OTULINL: variants seen among roughly 807,000 people sequenced by gnomAD.
OTULINL encodes the protein OTU deubiquitinase with linear linkage specificity like, also known as inactive ubiquitin thioesterase OTULINL.
In OTULINL, 42 loss-of-function variants were observed where a neutral mutation model predicts 43.9. The ratio of observed to expected loss-of-function variants is 0.96; its 90% CI spans 0.75 to 1.24. The LOEUF is 1.24. Ranked by LOEUF, OTULINL falls within the 50% of genes most tolerant of loss-of-function variation. The pLI, the probability that OTULINL is intolerant of heterozygous loss-of-function variation, is 0.00. For missense variants in OTULINL, 411 were observed against 426.4 expected (o/e 0.96, Z 0.32); for synonymous variants, 172 against 153.6 (o/e 1.12, Z -0.88).
In OTULINL at chr5:14,608,946, A is replaced by T. The variant is rs1396470329; in HGVS notation, c.826A>T (p.Thr276Ser). 1.2e-6 allele frequency: 2 copies of T among 1,614,130 alleles called. No individual in the cohort carries two copies. Among genetic ancestry groups the T allele is most frequent in the Non-Finnish European group, 8.5e-7 (1 of 1,180,022 alleles). Residue 276 changes from threonine to serine, a missense_variant, in exon 7 of 8, where the codon ACA (threonine) becomes TCA (serine). By Grantham distance (58) the Thr-to-Ser change is moderately conservative. Coordinates refer to ENST00000274217, the MANE Select transcript of OTULINL (RefSeq NM_019018.3). The stretch of plus-strand genomic sequence containing the variant: ...TTTTAGACTCCTGTTTTCCAGGGAG[A>T]CATCCTCTGATCCTTTGAGCTTCAT... ...SLFRLLFSRETSSDPLSFMMN... is the reference protein window; with the variant it reads ...SLFRLLFSRESSSDPLSFMMN...
intron 1 of OTULINL, among the ~76,000 whole-genome samples, chr5:14,583,557 T>C (rs1759053767): frequency 6.6e-6 from 1 of 152,210 alleles, no homozygotes; most frequent in South Asian, 2.1e-4. Context: ...GAATTTTTCC[T>C]TTCTTTGCAC....
intron 7 of OTULINL, among the ~76,000 whole-genome samples, chr5:14,609,747 C>G (rs1759545648): frequency 6.6e-6 from 1 of 151,914 alleles, no homozygotes; most frequent in Admixed American, 6.6e-5. Flanking sequence ...TCTCCTGCCT[C>G]AGCCTCCCGA....
rs752004777 is a variant in OTULINL at position 14,601,260 on chromosome 5, CATTT to C, written c.256+21_256+24del. On this transcript the variant is annotated intron_variant, in intron 3 of 7. Transcript: ENST00000274217. The stretch of plus-strand genomic sequence containing the variant: ...AAATTCAAAAGTAAATATTTTCATT[CATTT>C]ATTTCTTTATTTTTAAGGTGCAGAG... 44 of 1,609,428 alleles carry C rather than the reference CATTT, an allele frequency of 2.7e-5. No individual in the cohort carries two copies. Among genetic ancestry groups the C allele is most frequent in the African/African-American group, 6.7e-5 (5 of 74,614 alleles).
At chr5:14,582,053 G>T in intron 1 of OTULINL, 95 bp downstream of exon 1, 1 of 927,998 alleles carries the variant, frequency 1.1e-6, no homozygotes, top group Non-Finnish European at 1.4e-6. Context: ...GCCCTCCTCG[G>T]CGGCCACCTT....
At chr5:14,582,492 G>GA (rs1331347003) in intron 1 of OTULINL, among the ~76,000 whole-genome samples, 5 of 151,712 alleles carry the variant, frequency 3.3e-5, no homozygotes, top group African/African-American at 9.7e-5. Context: ...TACTCTGGCT[G>GA]AAAAAAAATT....
Position 14,611,342 on chromosome 5 carries a change from TGTCAGA to T in OTULINL, c.*1036_*1041del, listed in dbSNP as rs1759578110. On this transcript the variant is annotated 3_prime_UTR_variant, in exon 8 of 8. Transcript: ENST00000274217. ...AAAGTGGAAGAGGGAATTGGAAGAG[TGTCAGA>T]GTCAGAGGGGAATGTGAAATATGGA... The T allele has an allele frequency of 6.6e-6, 1 of 151,896 alleles. No homozygotes were observed. The highest frequency in any genetic ancestry group is 2.4e-5 in the African/African-American group (1 of 41,314). The allele number at this position is 151,896 out of a possible 1,614,324, so 9.4% of individuals were successfully genotyped here.
intron 1 of OTULINL, 73 bp downstream of exon 1, chr5:14,582,031 A>C: frequency 9.2e-7 from 1 of 1,081,256 alleles, no homozygotes; most frequent in South Asian, 4.0e-5. Flanking sequence ...GGTCGCAGGC[A>C]GCCAGGGACG....
At position 14,612,061 on chromosome 5, in the gene OTULINL, C is replaced by G. The variant is rs1227059236; in HGVS notation, c.*1747C>G. 6.6e-6 allele frequency: 1 copy of G among 152,220 alleles called. No individual in the cohort carries two copies. Among genetic ancestry groups the G allele is most frequent in the Non-Finnish European group, 1.5e-5 (1 of 68,044 alleles). 9.4% of individuals were successfully genotyped at this position (152,220 alleles called of 1,614,324 possible). A position where few individuals can be genotyped will look rare whatever the true frequency, so the allele number is the denominator to read the frequency against. ...CTCAGCCACAGAAACAAGAGTTCTT[C>G]ATTGACCTCTACAGTCCCTGCCTGT... On this transcript the variant is annotated 3_prime_UTR_variant, in exon 8 of 8. Coordinates refer to ENST00000274217, the MANE Select transcript of OTULINL (RefSeq NM_019018.3).
intron 1 of OTULINL, among the ~76,000 whole-genome samples, chr5:14,593,884 G>A (rs557028294): frequency 3.3e-5 from 5 of 152,334 alleles, no homozygotes; most frequent in Admixed American, 6.5e-5. Context: ...GATAGCATAA[G>A]TGGGTTGCAT....
At chr5:14,597,021 A>G (rs1759299030) in intron 1 of OTULINL, among the ~76,000 whole-genome samples, 1 of 152,234 alleles carries the variant, frequency 6.6e-6, no homozygotes, top group South Asian at 2.1e-4. Context: ...ACACATTCAT[A>G]CCATAGTATA....
Position 14,581,972 on chromosome 5 carries a change from C to CGGGAG in OTULINL, c.64+17_64+18insAGGGG. On this transcript the variant is annotated intron_variant, in intron 1 of 7. Coordinates refer to ENST00000274217, the MANE Select transcript of OTULINL (RefSeq NM_019018.3). The stretch of plus-strand genomic sequence containing the variant: ...CTCCCGCCGCAGGTGAGCCTGGGGC[C>CGGGAG]GGGCGGGGCGGGGCGGGGGGCGCGA... 4.6e-6 allele frequency: 3 copies of CGGGAG among 656,404 alleles called. No individual in the cohort carries two copies. Among genetic ancestry groups the CGGGAG allele is most frequent in the Non-Finnish European group, 6.7e-6 (3 of 448,512 alleles). The allele number at this position is 656,404 out of a possible 1,614,324, so 40.7% of individuals were successfully genotyped here. A position where few individuals can be genotyped will look rare whatever the true frequency, so the allele number is the denominator to read the frequency against.
In OTULINL at chr5:14,610,298, A is replaced by G; in HGVS notation, c.1055A>G (p.His352Arg). ...CTGACCGAGAACGACCGCCACTACC[A>G]CATTCCAGTCTTTTAAGTCCGCTGG... ...SLLTENDRHYHIPVF is the reference protein window; with the variant it reads ...SLLTENDRHYRIPVF The change falls in exon 8 of 8, where the codon CAC becomes CGC. Residue 352 changes from histidine (H) to arginine (R), a missense_variant. Coordinates refer to ENST00000274217, the MANE Select transcript of OTULINL (RefSeq NM_019018.3). The G allele has an allele frequency of 3.7e-6, 6 of 1,613,012 alleles. No individual in the cohort carries two copies. Among genetic ancestry groups the G allele is most frequent in the Middle Eastern group, 2.0e-4 (1 of 5,122 alleles).
intron 7 of OTULINL, 35 bp from the exon 8 acceptor site, chr5:14,610,106 G>C (rs765004856): frequency 1.3e-6 from 2 of 1,588,086 alleles, no homozygotes; most frequent in Admixed American, 3.4e-5. Context: ...ATTTGCAAGT[G>C]TGTATCTGTG....
chr5:14,603,893 T>C (rs1458852336), intron 5 of OTULINL, among the ~76,000 whole-genome samples: 6 of 152,218 alleles, frequency 3.9e-5, no homozygotes, highest in African/African-American at 1.4e-4. Context: ...AATATGTGTG[T>C]GTGTGCGCAC....
chr5:14,586,656 A>C (rs1353201085), intron 1 of OTULINL, among the ~76,000 whole-genome samples: 1 of 152,202 alleles, frequency 6.6e-6, no homozygotes, highest in Admixed American at 6.5e-5. Flanking sequence ...TCCTCTTGCC[A>C]TATTATTGGT....
chr5:14,598,154 TTGGGTGGAGCCTGCGACAGACGAGAGCA>T lies in OTULINL; in HGVS notation c.65-2808_65-2781del, dbSNP rs1406545214. Among the ~76,000 whole-genome samples the T allele has an allele frequency of 2.6e-5, 4 of 152,114 alleles. 1 individual carries two copies. The highest frequency in any genetic ancestry group is 7.2e-5 in the African/African-American group (3 of 41,412). ...GTTCCTGGGTTGTAACTGCAGCAGG[TTGGGTGGAGCCTGCGACAGACGAGAGCA>T]TGTGTCCGTGGAGGGGGCAGCAGCC... is the stretch of plus-strand genomic sequence containing the variant. On this transcript the variant is annotated intron_variant, in intron 1 of 7. Coordinates refer to ENST00000274217, the MANE Select transcript of OTULINL (RefSeq NM_019018.3).
At position 14,588,810 on chromosome 5, in the gene OTULINL, G is replaced by GA. The variant is rs148628073; in HGVS notation, c.64+6854dup. On this transcript the variant is annotated intron_variant, in intron 1 of 7. Transcript: ENST00000274217. ...GCTAATAGGGAGGAAAAAGGGCAAG[G>GA]AACACACCCCTCTTAACAAGCCCTT... 3.4e-3 allele frequency among the ~76,000 whole-genome samples: 525 copies of GA among 152,266 alleles called. 3 individuals are homozygous for GA. The highest frequency in any genetic ancestry group is 0.012 in the African/African-American group (501 of 41,538).
At chr5:14,582,201 G>A (rs1449363915) in intron 1 of OTULINL, among the ~76,000 whole-genome samples, 2 of 152,024 alleles carry the variant, frequency 1.3e-5, no homozygotes, top group Non-Finnish European at 2.9e-5. Flanking sequence ...GAATAAGGGA[G>A]GCCAAGCTGC....
At chr5:14,609,352 G>A (rs16903573) in intron 7 of OTULINL, among the ~76,000 whole-genome samples, 1,770 of 152,258 alleles carry the variant, frequency 0.012, 30 homozygotes, top group African/African-American at 0.041. Context: ...TTGGGAAAGC[G>A]TTTGGTTACC....
Sources: gnomAD v4.1 joint callset for allele counts (sites outside exome capture counted in the v4.1 genomes callset) on GRCh38, gnomAD v4.1.1 for gene constraint, MANE v1.5 for transcripts, NCBI Gene and HGNC (gene_info 2026-07-23, HGNC 2026-07-21) for gene names.